ATP6V0E1: variants seen among roughly 807,000 people sequenced by gnomAD.
ATP6V0E1 encodes the protein V-type proton ATPase subunit e 1.
In ATP6V0E1, 4 loss-of-function variants were observed where a neutral mutation model predicts 11.6. That is an observed-to-expected ratio of 0.35 (90% CI 0.17 to 0.79). The LOEUF is 0.79. Among genes scored for constraint, ATP6V0E1 ranks in the 30% least tolerant of loss-of-function variants. The pLI, the probability that ATP6V0E1 is intolerant of heterozygous loss-of-function variation, is 0.54. For missense variants in ATP6V0E1, 105 were observed against 100.0 expected, an observed-to-expected ratio of 1.05 and a Z score of -0.21; for synonymous variants, 36 against 34.8, an observed-to-expected ratio of 1.04 and a Z score of -0.13.
intron 2 of ATP6V0E1, among the ~76,000 whole-genome samples, chr5:173,013,870 A>C (rs961310747): frequency 3.3e-5 from 5 of 151,942 alleles, no homozygotes; most frequent in Admixed American, 2.6e-4. Flanking sequence ...AAGCGAAAAT[A>C]TGGCCATGCA....
intron 1 of ATP6V0E1, among the ~76,000 whole-genome samples, chr5:172,991,189 T>G (rs564483793): frequency 1.1e-4 from 17 of 152,302 alleles, no homozygotes; most frequent in Admixed American, 7.9e-4. Context: ...GTGCCATATA[T>G]TACCTCCTAG....
rs1395852434 is a variant in ATP6V0E1, at chr5:173,035,045, T to C, written c.*683T>C. The C allele has an allele frequency of 6.5e-6, 1 of 152,724 alleles. No individual in the cohort carries two copies. The highest frequency in any genetic ancestry group is 2.4e-5 in the African/African-American group (1 of 41,454). 9.5% of individuals were successfully genotyped at this position (152,724 alleles called of 1,614,324 possible). A position where few individuals can be genotyped will look rare whatever the true frequency, so the allele number is the denominator to read the frequency against. ...GCCTGAAAAGACTGGTAAGTGCGTT[T>C]CTTAATCGTTCAGTAACTATTTGAG... is the stretch of plus-strand genomic sequence containing the variant. On this transcript the variant is annotated 3_prime_UTR_variant, in exon 4 of 4. Transcript: ENST00000519374.
At chr5:173,008,910 C>CA (rs1164495740) in intron 2 of ATP6V0E1, among the ~76,000 whole-genome samples, 739 of 40,732 alleles carry the variant, frequency 0.018, 11 homozygotes, top group Non-Finnish European at 0.023. Flanking sequence ...GACTCTGTCT[C>CA]AAAAAAAAAA....
chr5:173,014,947 T>G (rs765885305), intron 2 of ATP6V0E1, among the ~76,000 whole-genome samples: 3 of 152,186 alleles, frequency 2.0e-5, no homozygotes, highest in Non-Finnish European at 4.4e-5. Flanking sequence ...AAAAAACAGT[T>G]TCTAAATACT....
intron 2 of ATP6V0E1, among the ~76,000 whole-genome samples, chr5:172,996,086 AC>A: frequency 6.6e-6 from 1 of 152,300 alleles, no homozygotes; most frequent in Non-Finnish European, 1.5e-5. Flanking sequence ...AAAGACCATG[AC>A]TTTTTTTTCC....
intron 2 of ATP6V0E1, among the ~76,000 whole-genome samples, chr5:173,005,381 G>C (rs1315717015): frequency 6.6e-6 from 1 of 152,014 alleles, no homozygotes; most frequent in Non-Finnish European, 1.5e-5. Flanking sequence ...GATTTTTGGG[G>C]TTTTCGTTTT....
chr5:173,003,714 T>C (rs1275374059), intron 2 of ATP6V0E1, among the ~76,000 whole-genome samples: 1 of 152,160 alleles, frequency 6.6e-6, no homozygotes, highest in Non-Finnish European at 1.5e-5. Context: ...TGGCTCCCAG[T>C]TCTAGGTTGG....
chr5:173,031,456 C>T (rs1581638502), intron 3 of ATP6V0E1, among the ~76,000 whole-genome samples: 1 of 128,362 alleles, frequency 7.8e-6, no homozygotes, highest in African/African-American at 3.0e-5. Context: ...AAAATGAGAA[C>T]ATGGACCCTT....
intron 3 of ATP6V0E1, among the ~76,000 whole-genome samples, chr5:173,030,448 T>TG (rs1297153969): frequency 6.6e-6 from 1 of 150,422 alleles, no homozygotes; most frequent in Admixed American, 6.6e-5. Flanking sequence ...TTTGTTTTTT[T>TG]TTTTTTTTTT....
At chr5:173,029,053 G>A (rs1385005101) in intron 3 of ATP6V0E1, among the ~76,000 whole-genome samples, 1 of 152,152 alleles carries the variant, frequency 6.6e-6, no homozygotes, top group African/African-American at 2.4e-5. Context: ...TATAAAGTCC[G>A]GGCCAGGAAA....
At position 172,983,941 on chromosome 5, in the gene ATP6V0E1, C is replaced by T. The variant is rs761537915; in HGVS notation, c.81C>T (p.Phe27=). 2.5e-6 allele frequency: 4 copies of T among 1,612,902 alleles called. No individual in the cohort carries two copies. The highest frequency in any genetic ancestry group is 3.3e-5 in the Admixed American group (2 of 59,994). The change falls in exon 1 of 4, where the codon TTC becomes TTT. Residue 27 remains phenylalanine (F), a synonymous_variant. Coordinates refer to ENST00000519374, the MANE Select transcript of ATP6V0E1 (RefSeq NM_003945.4). Reference sequence around the variant, plus strand: ...TCGTCGGCTTCTTGGTGCCTTGGTTCATCCCTAAGGGTCCTAACCGGGGGT... The same window carrying T: ...TCGTCGGCTTCTTGGTGCCTTGGTTTATCCCTAAGGGTCCTAACCGGGGGT... The part of the protein sequence containing the change: ...WGFVGFLVPW[F]IPKGPNRGVI...
At chr5:172,990,578 C>T (rs527792152) in intron 1 of ATP6V0E1, among the ~76,000 whole-genome samples, 37 of 152,018 alleles carry the variant, frequency 2.4e-4, no homozygotes, top group Non-Finnish European at 4.4e-4. Flanking sequence ...CCTGTAATCC[C>T]GGCACTTTGG....
At chr5:173,021,599 G>C (rs1382204945) in intron 3 of ATP6V0E1, among the ~76,000 whole-genome samples, 2 of 152,068 alleles carry the variant, frequency 1.3e-5, no homozygotes, top group Non-Finnish European at 2.9e-5. Flanking sequence ...TGGGGACACA[G>C]CCAAACCATA....
chr5:173,008,725 C>G (rs372087145), intron 2 of ATP6V0E1, among the ~76,000 whole-genome samples: 1 of 148,676 alleles, frequency 6.7e-6, no homozygotes, highest in East Asian at 2.0e-4. Context: ...CTGGCTAATG[C>G]GGTGAAACCC....
chr5:173,027,453 G>T (rs1193305563), intron 3 of ATP6V0E1, among the ~76,000 whole-genome samples: 1 of 151,218 alleles, frequency 6.6e-6, no homozygotes, highest in African/African-American at 2.4e-5. Context: ...AGTGAGCCGA[G>T]ATCGTGCCAC....
At chr5:172,984,715 A>C (rs902782197) in intron 1 of ATP6V0E1, among the ~76,000 whole-genome samples, 1 of 152,200 alleles carries the variant, frequency 6.6e-6, no homozygotes. Flanking sequence ...TCTTCAAAGG[A>C]GCCTTGGAAC....
chr5:172,984,881 A>C lies in ATP6V0E1; in HGVS notation c.104+917A>C, dbSNP rs905390830. ...TGGCTTCATAGTGCCTGGTTTTCAT[A>C]GTACCTTGTATGCACAGGAGGCACC... On this transcript the variant is annotated intron_variant, in intron 1 of 3. Coordinates refer to ENST00000519374, the MANE Select transcript of ATP6V0E1 (RefSeq NM_003945.4). 1.2e-4 allele frequency among the ~76,000 whole-genome samples: 18 copies of C among 152,340 alleles called. No individual in the cohort carries two copies. The East Asian group carries it at 3.5e-3, about 29-fold the overall frequency.
intron 1 of ATP6V0E1, among the ~76,000 whole-genome samples, chr5:172,984,995 C>A (rs1387654195): frequency 1.3e-5 from 2 of 152,118 alleles, no homozygotes; most frequent in South Asian, 2.1e-4. Context: ...GCCTGTAATC[C>A]CAGCACTTTG....
intron 3 of ATP6V0E1, among the ~76,000 whole-genome samples, chr5:173,029,733 C>T (rs1432164217): frequency 6.6e-6 from 1 of 152,054 alleles, no homozygotes; most frequent in Non-Finnish European, 1.5e-5. Flanking sequence ...AGTACATGCC[C>T]CTTGAAATGC....
Sources: allele counts gnomAD v4.1 joint callset (sites outside exome capture counted in the v4.1 genomes callset), GRCh38; gene constraint gnomAD v4.1.1; transcripts MANE v1.5; gene names NCBI Gene and HGNC (gene_info 2026-07-23, HGNC 2026-07-21).